Variants in FOXP1 observed in about 807,000 individuals in gnomAD.
FOXP1 encodes forkhead box protein P1.
Under a neutral mutation model 98.2 loss-of-function variants are expected in FOXP1, and 15 were observed. The ratio of observed to expected loss-of-function variants is 0.15; its 90% CI spans 0.10 to 0.24. The LOEUF (loss-of-function observed/expected upper bound fraction) is 0.24. Ranked by LOEUF, FOXP1 falls within the 10% of genes least tolerant of loss-of-function variation. The probability of loss-of-function intolerance (pLI) is 1.00; values close to 1 mark genes in which losing one functional copy is unlikely to be tolerated. For synonymous variants in FOXP1, 371 were observed against 314.5 expected (o/e 1.18, Z -1.90); for missense variants, 633 against 848.5 (o/e 0.75, Z 3.15).
chr3:70,963,097 C>T (rs1181919549), intron 20 of FOXP1, among the ~76,000 whole-genome samples: 1 of 152,114 alleles, frequency 6.6e-6, no homozygotes, highest in Non-Finnish European at 1.5e-5. Context: ...ACACGTTTTC[C>T]CCCTAAATTG....
At chr3:71,561,367 G>T (rs2046519367) in intron 2 of FOXP1, among the ~76,000 whole-genome samples, 1 of 142,618 alleles carries the variant, frequency 7.0e-6, no homozygotes, top group East Asian at 2.1e-4. Flanking sequence ...CTTAAAATTG[G>T]TGAGTTTATG....
intron 6 of FOXP1, among the ~76,000 whole-genome samples, chr3:71,173,420 C>CACACACACA (rs1553767532): frequency 1.3e-5 from 2 of 149,324 alleles, no homozygotes; most frequent in African/African-American, 4.9e-5. Flanking sequence ...CACACACACA[C>CACACACACA]ACTTTTTGCC....
chr3:71,428,292 G>A (rs573993595), intron 3 of FOXP1, among the ~76,000 whole-genome samples: 7 of 152,174 alleles, frequency 4.6e-5, no homozygotes, highest in Middle Eastern at 3.2e-3. Flanking sequence ...TCTCCTGCCC[G>A]CCTAACCTCC....
chr3:70,980,073 T>C (rs1335283554), intron 14 of FOXP1, among the ~76,000 whole-genome samples: 1 of 152,132 alleles, frequency 6.6e-6, no homozygotes, highest in Non-Finnish European at 1.5e-5. Context: ...GCAGATGCCA[T>C]GAGCGGGTTT....
chr3:71,397,095 T>TACACAC (rs2081574105), intron 3 of FOXP1, among the ~76,000 whole-genome samples: 2 of 123,098 alleles, frequency 1.6e-5, no homozygotes, highest in African/African-American at 6.7e-5. Flanking sequence ...TGTATATATA[T>TACACAC]ATATACATAT....
Position 70,971,802 on chromosome 3 carries a change from G to T in FOXP1, c.1652+753C>A, listed in dbSNP as rs531130954. On this transcript the variant is annotated intron_variant, in intron 18 of 20. Transcript: ENST00000649528. ...CTGAATCAAAATAGAACGAATATTT[G>T]CATTAAAGACGTCAAAAAAGCATTA... The T allele has an allele frequency of 2.4e-5, 10 of 410,158 alleles. 1 individual carries two copies. The highest frequency in any genetic ancestry group is 1.2e-4 in the African/African-American group (6 of 48,682). 25.4% of individuals were successfully genotyped at this position (410,158 alleles called of 1,614,324 possible).
intron 4 of FOXP1, chr3:71,332,748 AAAAT>A (rs1432731809): frequency 6.6e-6 from 1 of 152,284 alleles, no homozygotes; most frequent in African/African-American, 2.4e-5. Context: ...AAAAAAGTAA[AAAAT>A]AAAATCAAGT....
In FOXP1 at chr3:71,520,945, A is replaced by G. The variant is rs188847713; in HGVS notation, c.-297-27390T>C. 1.6e-4 allele frequency among the ~76,000 whole-genome samples: 25 copies of G among 152,320 alleles called. No individual in the cohort carries two copies. In the East Asian group the frequency reaches 3.7e-3, roughly 22 times the overall value. On this transcript the variant is annotated intron_variant, in intron 2 of 20. Coordinates refer to ENST00000649528, the MANE Select transcript of FOXP1 (RefSeq NM_001349338.3). Reference sequence around the variant, plus strand: ...GAAAGAAAAATATACCAAGGGAGAAATGAGGACATTTTCCCCTCCCACCGA... The same window carrying G: ...GAAAGAAAAATATACCAAGGGAGAAGTGAGGACATTTTCCCCTCCCACCGA...
At position 71,046,956 on chromosome 3, in the gene FOXP1, T is replaced by C; in HGVS notation, c.650A>G (p.Gln217Arg). ...IQPGQPALPL[Q>R]PLAQGMIPTE... ...TCAACGCATACCTTGAGCAAGAGGTTGAAGGGGAAGGGCAGGCTGCCCGGG... is the reference window on the plus strand; with the variant it reads ...TCAACGCATACCTTGAGCAAGAGGTCGAAGGGGAAGGGCAGGCTGCCCGGG... The change falls in exon 10 of 21, where the codon CAA (glutamine) becomes CGA (arginine). Residue 217 changes from glutamine (Q) to arginine (R), a missense_variant. Around this residue, in one of 6 missense-constraint regions of FOXP1, gnomAD observed 210 missense variants for 270.6 expected, o/e 0.78. Coordinates refer to ENST00000649528, the MANE Select transcript of FOXP1 (RefSeq NM_001349338.3). The C allele has an allele frequency of 6.2e-7, 1 of 1,614,006 alleles. No homozygotes were observed. The highest frequency in any genetic ancestry group is 8.5e-7 in the Non-Finnish European group (1 of 1,179,936).
chr3:71,491,251 G>T (rs1344900433), intron 3 of FOXP1, among the ~76,000 whole-genome samples: 1 of 152,104 alleles, frequency 6.6e-6, no homozygotes, highest in African/African-American at 2.4e-5. Context: ...CCTGACCTTA[G>T]GTGACCTACC....
intron 2 of FOXP1, among the ~76,000 whole-genome samples, chr3:71,509,543 G>A (rs1241683921): frequency 6.6e-6 from 1 of 152,100 alleles, no homozygotes; most frequent in Admixed American, 6.5e-5. Context: ...GGGCTTCAGT[G>A]TATACATCAT....
chr3:71,226,852 C>A (rs533705348), intron 5 of FOXP1, among the ~76,000 whole-genome samples: 2 of 152,114 alleles, frequency 1.3e-5, no homozygotes, highest in African/African-American at 4.8e-5. Context: ...CGCTGTTCAC[C>A]GGCCAAGAAG....
At chr3:71,148,426 A>T (rs1312837183) in intron 6 of FOXP1, among the ~76,000 whole-genome samples, 1 of 152,148 alleles carries the variant, frequency 6.6e-6, no homozygotes, top group Non-Finnish European at 1.5e-5. Context: ...AAAGTCTCAA[A>T]CATTTTTAAA....
chr3:71,569,940 G>A (rs1239817494), intron 2 of FOXP1, among the ~76,000 whole-genome samples: 2 of 152,058 alleles, frequency 1.3e-5, no homozygotes, highest in Non-Finnish European at 2.9e-5. Context: ...CAGCCACCAC[G>A]CCCGGCTAAT....
intron 7 of FOXP1, among the ~76,000 whole-genome samples, chr3:71,095,283 G>T (rs1046027889): frequency 2.6e-5 from 4 of 152,176 alleles, no homozygotes; most frequent in Non-Finnish European, 5.9e-5. Flanking sequence ...GCCATTAGAT[G>T]GTGGGTATCT....
At chr3:71,110,860 C>G (rs1395959828) in intron 7 of FOXP1, among the ~76,000 whole-genome samples, 1 of 152,198 alleles carries the variant, frequency 6.6e-6, no homozygotes. Context: ...GACATGGGCC[C>G]TCAATGGCAC....
intron 4 of FOXP1, among the ~76,000 whole-genome samples, chr3:71,323,227 G>A (rs183654137): frequency 1.3e-5 from 2 of 152,090 alleles, no homozygotes; most frequent in Admixed American, 6.6e-5. Flanking sequence ...CCTCGGCCTT[G>A]GTACATTTTA....
chr3:71,582,556 C>T, intron 1 of FOXP1: 1 of 985,450 alleles, frequency 1.0e-6, no homozygotes, highest in Non-Finnish European at 1.2e-6. Flanking sequence ...GCGACACGCG[C>T]GCGACGCAGG....
chr3:71,472,291 T>C (rs919382585), intron 3 of FOXP1, among the ~76,000 whole-genome samples: 3 of 152,166 alleles, frequency 2.0e-5, no homozygotes, highest in African/African-American at 7.2e-5. Flanking sequence ...AATAAAGATT[T>C]AGACTTTCAA....
Sources: allele counts gnomAD v4.1 joint callset (sites outside exome capture counted in the v4.1 genomes callset), GRCh38; gene constraint gnomAD v4.1.1; regional missense constraint gnomAD v4.1.1; transcripts MANE v1.5; gene names NCBI Gene and HGNC (gene_info 2026-07-23, HGNC 2026-07-21).